Variants in RAD21L1 observed in about 807,000 individuals in gnomAD.
RAD21L1 encodes double-strand-break repair protein rad21-like protein 1.
A neutral mutation model predicts 69.0 loss-of-function variants in RAD21L1; 47 were observed. The ratio of observed to expected loss-of-function variants is 0.68; its 90% CI spans 0.54 to 0.87. The LOEUF (loss-of-function observed/expected upper bound fraction) is 0.87, where lower values mean the gene tolerates loss of function less well. Ranked by LOEUF, RAD21L1 falls within the 40% of genes least tolerant of loss-of-function variation. The pLI, the probability that RAD21L1 is intolerant of heterozygous loss-of-function variation, is 0.00. For missense variants in RAD21L1, 583 were observed against 647.6 expected, an observed-to-expected ratio of 0.90 and a Z score of 1.08; for synonymous variants, 177 against 205.8, an observed-to-expected ratio of 0.86 and a Z score of 1.20.
intron 6 of RAD21L1, among the ~76,000 whole-genome samples, chr20:1,238,809 CAT>C (rs1279350491): frequency 6.6e-6 from 1 of 151,900 alleles, no homozygotes; most frequent in Admixed American, 6.6e-5. Context: ...TCCAAATGCA[CAT>C]GTTTTATTTA....
chr20:1,251,577 T>C (rs56031085), intron 13 of RAD21L1, among the ~76,000 whole-genome samples: 9,152 of 152,078 alleles, frequency 0.06, 382 homozygotes, highest in South Asian at 0.1. Context: ...TTTTTATTTA[T>C]GTTTTGTCTT....
intron 5 of RAD21L1, among the ~76,000 whole-genome samples, chr20:1,234,881 A>T (rs2087463620): frequency 6.6e-6 from 1 of 152,086 alleles, no homozygotes; most frequent in Admixed American, 6.6e-5. Context: ...CTGGGACTGC[A>T]AGTGCATGCC....
Position 1,228,421 on chromosome 20 carries a change from G to T in RAD21L1, c.-32-1G>T. 7.0e-7 allele frequency: 1 copy of T among 1,422,696 alleles called. No individual in the cohort carries two copies. The highest frequency in any genetic ancestry group is 9.2e-7 in the Non-Finnish European group (1 of 1,082,862). 88.1% of individuals were successfully genotyped at this position (1,422,696 alleles called of 1,614,324 possible). A position where few individuals can be genotyped will look rare whatever the true frequency, so the allele number is the denominator to read the frequency against. On this transcript the variant is annotated splice_acceptor_variant, in intron 1 of 13. Transcript: ENST00000683101. LOFTEE classifies it low-confidence loss of function (5UTR_SPLICE). Reference sequence around the variant, plus strand: ...TAAATTTCTTTTCGTGTTCTCTCTAGTTTGTTAAATACAAGTAAGGAACAC... The same window carrying T: ...TAAATTTCTTTTCGTGTTCTCTCTATTTTGTTAAATACAAGTAAGGAACAC...
At chr20:1,244,908 C>T (rs2087689391) in intron 11 of RAD21L1, among the ~76,000 whole-genome samples, 1 of 152,146 alleles carries the variant, frequency 6.6e-6, no homozygotes, top group South Asian at 2.1e-4. Flanking sequence ...TTTCACAGTG[C>T]ATTCAAACAG....
At chr20:1,249,164 C>T (rs186565758) in intron 13 of RAD21L1, among the ~76,000 whole-genome samples, 4 of 152,274 alleles carry the variant, frequency 2.6e-5, no homozygotes, top group Admixed American at 2.0e-4. Context: ...GTCCTGCTCA[C>T]CAGAAGCAAC....
At chr20:1,230,802 A>AT (rs1446840067) in intron 3 of RAD21L1, 5 of 467,104 alleles carry the variant, frequency 1.1e-5, no homozygotes, top group Non-Finnish European at 1.4e-5. Flanking sequence ...TTCGTTTATT[A>AT]TTTTTTTACA....
intron 5 of RAD21L1, among the ~76,000 whole-genome samples, chr20:1,237,529 C>T (rs1354123982): frequency 2.9e-5 from 4 of 139,622 alleles, no homozygotes; most frequent in Non-Finnish European, 3.1e-5. Flanking sequence ...TTTTTTTTAA[C>T]GGACCTCTAT....
chr20:1,245,418 G>A, intron 11 of RAD21L1, among the ~76,000 whole-genome samples: 1 of 152,030 alleles, frequency 6.6e-6, no homozygotes, highest in Admixed American at 6.6e-5. Context: ...AGAAAAACAA[G>A]GCTTCACAAA....
chr20:1,230,070 G>A (rs982888804), intron 3 of RAD21L1, 61 bp downstream of exon 3: 4 of 1,337,154 alleles, frequency 3.0e-6, no homozygotes, highest in Admixed American at 2.1e-5. Flanking sequence ...AATTGGGGGT[G>A]GGATCTTTTA....
chr20:1,234,789 C>A (rs111933313), intron 5 of RAD21L1, among the ~76,000 whole-genome samples: 48 of 152,126 alleles, frequency 3.2e-4, no homozygotes, highest in African/African-American at 1.1e-3. Context: ...TTGTTCTTGT[C>A]ACCCAGGTTG....
At chr20:1,243,435 C>T (rs925577533) in intron 10 of RAD21L1, among the ~76,000 whole-genome samples, 1 of 152,104 alleles carries the variant, frequency 6.6e-6, no homozygotes, top group Non-Finnish European at 1.5e-5. Flanking sequence ...ACTATGTAAA[C>T]CATTCTTATT....
chr20:1,233,887 T>G (rs1042745657), intron 4 of RAD21L1, among the ~76,000 whole-genome samples, 198 bp from the exon 5 acceptor site: 18 of 152,126 alleles, frequency 1.2e-4, no homozygotes, highest in African/African-American at 4.3e-4. Context: ...GCAAATAAGA[T>G]AAGGGACTGA....
chr20:1,252,226 T>A (rs926668143), intron 13 of RAD21L1, among the ~76,000 whole-genome samples: 1 of 152,242 alleles, frequency 6.6e-6, no homozygotes, highest in Admixed American at 6.5e-5. Flanking sequence ...CTCAAATGTC[T>A]TGTAGATCCT....
chr20:1,250,462 G>T (rs993261862), intron 13 of RAD21L1, among the ~76,000 whole-genome samples: 3 of 150,800 alleles, frequency 2.0e-5, no homozygotes, highest in Non-Finnish European at 4.4e-5. Context: ...GCAGTGTTTG[G>T]TTTTTTGTCC....
Position 1,228,403 on chromosome 20 carries a change from C to T in RAD21L1, c.-32-19C>T. ...GTTTTTGTAATAAAATTTTAAATTT[C>T]TTTTCGTGTTCTCTCTAGTTTGTTA... On this transcript the variant is annotated intron_variant, in intron 1 of 13. Coordinates refer to ENST00000683101, the MANE Select transcript of RAD21L1 (RefSeq NM_001384355.1). 2.3e-6 allele frequency: 3 copies of T among 1,319,310 alleles called. No homozygotes were observed. The highest frequency in any genetic ancestry group is 2.0e-6 in the Non-Finnish European group (2 of 1,015,122). 81.7% of individuals were successfully genotyped at this position (1,319,310 alleles called of 1,614,324 possible).
Position 1,248,683 on chromosome 20 carries a change from C to T in RAD21L1, c.1459C>T (p.Gln487Ter), listed in dbSNP as rs1251333410. 1 of 1,530,912 alleles carries T rather than the reference C, an allele frequency of 6.5e-7. No individual in the cohort carries two copies. Among genetic ancestry groups the T allele is most frequent in the Non-Finnish European group, 8.8e-7 (1 of 1,132,984 alleles). 94.8% of individuals were successfully genotyped at this position (1,530,912 alleles called of 1,614,324 possible). The change falls in exon 13 of 14, where the codon CAG becomes TAG. Residue 487 changes from glutamine to a stop codon, truncating the protein, a stop_gained. Transcript: ENST00000683101. LOFTEE classifies it high-confidence loss of function. ...ETERWNGRIL[Q>*]MLNRLRESNK... The stretch of plus-strand genomic sequence containing the variant: ...AGAGAGATGGAATGGAAGAATACTT[C>T]AGATGTTAAATCGTTTACGGGTGAG...
chr20:1,245,955 A>G (rs138679569), intron 11 of RAD21L1, among the ~76,000 whole-genome samples: 258 of 152,142 alleles, frequency 1.7e-3, no homozygotes, highest in African/African-American at 4.7e-3. Flanking sequence ...TAGAGAGGGA[A>G]ATAGGAAAAG....
At position 1,246,986 on chromosome 20, in the gene RAD21L1, T is replaced by A. The variant is rs944407514; in HGVS notation, c.1401+681T>A. On this transcript the variant is annotated intron_variant, in intron 12 of 13. Transcript: ENST00000683101. The surrounding 1 kb of genome is among the most constrained non-coding windows in gnomAD (Gnocchi z 4.6). The stretch of plus-strand genomic sequence containing the variant: ...ATGTTAATTTGCTTCTATAAAATTA[T>A]CTATATATTGAGTTCCAAGACTCTT... 1.3e-5 allele frequency among the ~76,000 whole-genome samples: 2 copies of A among 152,196 alleles called. No homozygotes were observed. The highest frequency in any genetic ancestry group is 2.9e-5 in the Non-Finnish European group (2 of 68,026).
At chr20:1,230,776 A>G in intron 3 of RAD21L1, 1 of 507,904 alleles carries the variant, frequency 2.0e-6, no homozygotes, top group Non-Finnish European at 2.5e-6. Flanking sequence ...TATTCATATC[A>G]AGTATGGTTC....
Sources: allele counts gnomAD v4.1 joint callset (sites outside exome capture counted in the v4.1 genomes callset), GRCh38; gene constraint gnomAD v4.1.1; non-coding constraint Gnocchi (gnomAD v3.1); transcripts MANE v1.5; gene names NCBI Gene and HGNC (gene_info 2026-07-23, HGNC 2026-07-21).